KAZN: variants seen among roughly 807,000 people sequenced by gnomAD.
KAZN encodes the protein kazrin.
KAZN carries 40 observed loss-of-function variants against 87.4 expected under a neutral mutation model. The ratio of observed to expected loss-of-function variants is 0.46; its 90% confidence interval spans 0.36 to 0.60. KAZN has a LOEUF of 0.60. KAZN is among the 20% of genes least tolerant of loss of function. The probability of loss-of-function intolerance (pLI) is 0.00; values close to 1 mark genes in which losing one functional copy is unlikely to be tolerated. For missense variants in KAZN, 898 were observed against 1,073.9 expected, an observed-to-expected ratio of 0.84 and a Z score of 2.29; for synonymous variants, 466 against 458.3, an observed-to-expected ratio of 1.02 and a Z score of -0.22.
chr1:15,055,609 A>G (rs1430772983), intron 4 of KAZN, among the ~76,000 whole-genome samples: 1 of 152,210 alleles, frequency 6.6e-6, no homozygotes, highest in Non-Finnish European at 1.5e-5. Context: ...AGTCAGACAG[A>G]ACTGGGTTCA....
At chr1:14,440,998 T>G (rs1463299653) in intron 2 of KAZN, among the ~76,000 whole-genome samples, 1 of 152,182 alleles carries the variant, frequency 6.6e-6, no homozygotes, top group Non-Finnish European at 1.5e-5. Context: ...ACTGATCATA[T>G]GCAGGACAGA....
At chr1:15,001,876 T>C (rs1441812893) in intron 2 of KAZN, among the ~76,000 whole-genome samples, 1 of 136,120 alleles carries the variant, frequency 7.3e-6, no homozygotes, top group Non-Finnish European at 1.6e-5. Context: ...AAATCTTTTT[T>C]TTTTTTTTTT....
intron 1 of KAZN, among the ~76,000 whole-genome samples, chr1:13,937,533 G>T (rs1254696575): frequency 6.6e-6 from 1 of 152,166 alleles, no homozygotes; most frequent in Non-Finnish European, 1.5e-5. Flanking sequence ...GTTTAATTAA[G>T]TCTCATTTGT....
chr1:14,325,466 A>T (rs980378427), intron 2 of KAZN, among the ~76,000 whole-genome samples: 1 of 152,224 alleles, frequency 6.6e-6, no homozygotes, highest in African/African-American at 2.4e-5. Context: ...TCTGAGCATC[A>T]CTGGACACAG....
At chr1:14,397,628 G>A (rs529371223) in intron 2 of KAZN, among the ~76,000 whole-genome samples, 5 of 152,032 alleles carry the variant, frequency 3.3e-5, no homozygotes, top group East Asian at 1.9e-4. Context: ...AGGCCGAGGC[G>A]GGCGGATCAC....
At chr1:14,583,664 G>A (rs1197440435) in intron 2 of KAZN, among the ~76,000 whole-genome samples, 1 of 152,214 alleles carries the variant, frequency 6.6e-6, no homozygotes, top group Non-Finnish European at 1.5e-5. Flanking sequence ...GGTGATAGCT[G>A]GTGAGGGGGC....
At chr1:14,361,734 C>T (rs1031516989) in intron 2 of KAZN, among the ~76,000 whole-genome samples, 1 of 152,248 alleles carries the variant, frequency 6.6e-6, no homozygotes, top group African/African-American at 2.4e-5. Flanking sequence ...TGACCAGTCC[C>T]AATAAGATGA....
At chr1:14,273,258 A>G (rs1652092616) in intron 2 of KAZN, among the ~76,000 whole-genome samples, 1 of 152,060 alleles carries the variant, frequency 6.6e-6, no homozygotes, top group South Asian at 2.1e-4. Flanking sequence ...GGAAATCTAG[A>G]AATGAAACGG....
At chr1:14,631,883 T>C (rs2148660298) in intron 1 of KAZN, among the ~76,000 whole-genome samples, 1 of 152,324 alleles carries the variant, frequency 6.6e-6, no homozygotes, top group Admixed American at 6.5e-5. Flanking sequence ...GAGAGACATC[T>C]GGGGTCAGCT....
chr1:14,606,852 T>C (rs1308890845), intron 1 of KAZN, among the ~76,000 whole-genome samples: 1 of 152,190 alleles, frequency 6.6e-6, no homozygotes, highest in Non-Finnish European at 1.5e-5. Context: ...CACACTCCAG[T>C]TGTGACAACT....
At chr1:14,421,753 A>C (rs1665440551) in intron 2 of KAZN, among the ~76,000 whole-genome samples, 1 of 151,548 alleles carries the variant, frequency 6.6e-6, no homozygotes, top group Admixed American at 6.6e-5. Context: ...AATCTCCCAA[A>C]CTCTTTTTAC....
chr1:14,618,315 T>G (rs7553790), intron 1 of KAZN, among the ~76,000 whole-genome samples: 30,823 of 152,250 alleles, frequency 0.2, 3,398 homozygotes, highest in East Asian at 0.26. Flanking sequence ...GACTTTGGAC[T>G]AATCACTTTG....
chr1:14,943,876 A>G (rs1272267696), intron 1 of KAZN, among the ~76,000 whole-genome samples: 1 of 152,034 alleles, frequency 6.6e-6, no homozygotes, highest in African/African-American at 2.4e-5. Flanking sequence ...GTTTGAGACC[A>G]GCCTGACCAA....
chr1:14,495,775 A>G (rs544776007), intron 2 of KAZN, among the ~76,000 whole-genome samples: 74 of 152,180 alleles, frequency 4.9e-4, no homozygotes, highest in Non-Finnish European at 4.7e-4. Flanking sequence ...AATTTGGGGT[A>G]GAGGAGGGCT....
At position 14,541,486 on chromosome 1, in the gene KAZN, G is replaced by A. The variant is rs531884950; in HGVS notation, c.250-57497G>A. Among the ~76,000 whole-genome samples the A allele has an allele frequency of 3.0e-4, 46 of 152,334 alleles. 1 individual carries two copies. The South Asian group carries it at 5.0e-3, about 16-fold the overall frequency. On this transcript the variant is annotated intron_variant, in intron 2 of 16. Transcript: ENST00000636203. ...AGCTTGCATTTTCCAGAGAGGCAGT[G>A]TGGAAAGGCACCCGGGGCCAGGACA...
intron 1 of KAZN, among the ~76,000 whole-genome samples, chr1:13,992,955 T>G (rs908208825): frequency 1.3e-5 from 2 of 152,222 alleles, no homozygotes; most frequent in Non-Finnish European, 2.9e-5. Context: ...TTCTCTCTCA[T>G]CATCTCCCAA....
At chr1:14,822,873 T>A (rs981932393) in intron 1 of KAZN, among the ~76,000 whole-genome samples, 1 of 152,156 alleles carries the variant, frequency 6.6e-6, no homozygotes, top group African/African-American at 2.4e-5. Context: ...CCCAGGCGTC[T>A]CTTTCTTAGG....
chr1:13,948,115 G>C (rs1641213837), intron 1 of KAZN, among the ~76,000 whole-genome samples: 1 of 152,150 alleles, frequency 6.6e-6, no homozygotes, highest in African/African-American at 2.4e-5. Flanking sequence ...GATTCCAGGG[G>C]TTAAGAACTG....
At chr1:14,103,867 C>A (rs1371395123) in intron 1 of KAZN, among the ~76,000 whole-genome samples, 1 of 152,104 alleles carries the variant, frequency 6.6e-6, no homozygotes, top group Non-Finnish European at 1.5e-5. Context: ...TCGTTGGGGG[C>A]CATTATTCTG....
Sources: gnomAD v4.1 joint callset for allele counts (sites outside exome capture counted in the v4.1 genomes callset) on GRCh38, gnomAD v4.1.1 for gene constraint, MANE v1.5 for transcripts, NCBI Gene and HGNC (gene_info 2026-07-23, HGNC 2026-07-21) for gene names.